FAM13A: variants seen among roughly 807,000 people sequenced by gnomAD.
FAM13A encodes the protein family with sequence similarity 13 member A.
A neutral mutation model predicts 129.6 loss-of-function variants in FAM13A; 76 were observed. That is an observed-to-expected ratio of 0.59 (90% CI 0.49 to 0.71). The LOEUF is 0.71. FAM13A is among the 30% of genes least tolerant of loss of function. FAM13A has a pLI of 0.00. For missense variants in FAM13A, 1,108 were observed against 1,249.3 expected (o/e 0.89, Z 1.70); for synonymous variants, 443 against 449.9 (o/e 0.98, Z 0.20).
chr4:88,766,541 T>C (rs1454843164), intron 13 of FAM13A, among the ~76,000 whole-genome samples: 5 of 151,866 alleles, frequency 3.3e-5, no homozygotes, highest in Admixed American at 1.3e-4. Flanking sequence ...GTTCAGGGAG[T>C]GGGGATTAGT....
intron 6 of FAM13A, among the ~76,000 whole-genome samples, chr4:88,883,530 T>G (rs1743930233): frequency 6.6e-6 from 1 of 152,048 alleles, no homozygotes; most frequent in African/African-American, 2.4e-5. Flanking sequence ...AGGGGAAAGT[T>G]CATAGCCTTA....
chr4:88,968,560 C>T (rs1759646246), intron 4 of FAM13A, among the ~76,000 whole-genome samples: 1 of 152,010 alleles, frequency 6.6e-6, no homozygotes, highest in Admixed American at 6.6e-5. Flanking sequence ...TTTTTCTGCC[C>T]TATATGCCCC....
At chr4:88,755,219 C>T (rs930334128) in intron 14 of FAM13A, among the ~76,000 whole-genome samples, 8 of 152,082 alleles carry the variant, frequency 5.3e-5, no homozygotes, top group Admixed American at 1.3e-4. Context: ...CATGGCCATT[C>T]GGTAAACTGC....
At chr4:88,912,895 C>T (rs937310964) in intron 5 of FAM13A, among the ~76,000 whole-genome samples, 3 of 152,040 alleles carry the variant, frequency 2.0e-5, no homozygotes, top group African/African-American at 4.8e-5. Context: ...GCAGGAGGAC[C>T]TATTGAGCCC....
intron 7 of FAM13A, among the ~76,000 whole-genome samples, chr4:88,827,025 T>C (rs1733119206): frequency 6.6e-6 from 1 of 152,170 alleles, no homozygotes; most frequent in Admixed American, 6.6e-5. Flanking sequence ...CCCAAATCTA[T>C]CTCTGCTGCC....
rs558494618 is a variant in FAM13A at position 88,890,000 on chromosome 4, T to G, written c.843+16379A>C. ...GGAACATAGAGGCCAGTGAGAACTTTAGGGTTAATGAAAAATGAGGGCAAC... is the reference window on the plus strand; with the variant it reads ...GGAACATAGAGGCCAGTGAGAACTTGAGGGTTAATGAAAAATGAGGGCAAC... On this transcript the variant is annotated intron_variant, in intron 6 of 23. Transcript: ENST00000264344. 1.3e-3 allele frequency among the ~76,000 whole-genome samples: 193 copies of G among 152,304 alleles called. 2 individuals are homozygous for G. The highest frequency in any genetic ancestry group is 4.4e-3 in the African/African-American group (184 of 41,574).
At chr4:88,747,273 C>A (rs1308518017) in intron 18 of FAM13A, among the ~76,000 whole-genome samples, 1 of 152,144 alleles carries the variant, frequency 6.6e-6, no homozygotes, top group Non-Finnish European at 1.5e-5. Context: ...GTAAGCAGGG[C>A]TGTGAGGCAC....
At chr4:89,016,393 C>A (rs1445887609) in intron 3 of FAM13A, among the ~76,000 whole-genome samples, 1 of 152,036 alleles carries the variant, frequency 6.6e-6, no homozygotes, top group African/African-American at 2.4e-5. Context: ...AAGCTAAGGT[C>A]TATTACTGAA....
At chr4:88,992,979 C>T (rs958798278) in intron 3 of FAM13A, among the ~76,000 whole-genome samples, 3 of 152,094 alleles carry the variant, frequency 2.0e-5, no homozygotes, top group Non-Finnish European at 2.9e-5. Context: ...ATCAGTGTTA[C>T]AAAGCACCTG....
Position 88,928,339 on chromosome 4 carries a change from T to G in FAM13A, c.759+9749A>C, listed in dbSNP as rs191993570. 8.5e-4 allele frequency among the ~76,000 whole-genome samples: 127 copies of G among 149,634 alleles called. 2 individuals carry two copies. Among genetic ancestry groups the G allele is most frequent in the Middle Eastern group, 6.9e-3 (2 of 288 alleles). ...TGTTGGGTAGAATGTTCTGCGAATG[T>G]CTGCTAAGTCCGTTTAGTCTAAAGT... On this transcript the variant is annotated intron_variant, in intron 5 of 23. Transcript: ENST00000264344.
intron 5 of FAM13A, among the ~76,000 whole-genome samples, chr4:88,934,896 G>A (rs754492378): frequency 7.2e-5 from 11 of 152,180 alleles, no homozygotes; most frequent in Non-Finnish European, 1.6e-4. Context: ...AGGGCTAAGA[G>A]GTCTATCCAA....
intron 4 of FAM13A, among the ~76,000 whole-genome samples, chr4:88,987,125 A>G (rs1290547262): frequency 2.0e-5 from 3 of 152,180 alleles, no homozygotes; most frequent in Non-Finnish European, 4.4e-5. Context: ...GACTCCCACA[A>G]CTGCCAAATT....
intron 3 of FAM13A, among the ~76,000 whole-genome samples, chr4:89,001,778 T>G (rs1015577093): frequency 2.6e-5 from 4 of 152,136 alleles, no homozygotes; most frequent in Non-Finnish European, 4.4e-5. Flanking sequence ...AGGTATCTAG[T>G]GAGTTCCTCA....
intron 7 of FAM13A, among the ~76,000 whole-genome samples, chr4:88,825,946 T>A (rs779499238): frequency 6.6e-6 from 1 of 152,188 alleles, no homozygotes. Flanking sequence ...CATTATTTGA[T>A]AATTGTTTCT....
At chr4:88,847,810 G>A (rs1490121224) in intron 7 of FAM13A, among the ~76,000 whole-genome samples, 2 of 152,038 alleles carry the variant, frequency 1.3e-5, no homozygotes, top group African/African-American at 2.4e-5. Flanking sequence ...GGTGGCAGCC[G>A]CCTGTAGTCC....
intron 4 of FAM13A, among the ~76,000 whole-genome samples, chr4:88,961,249 A>C (rs777970370): frequency 2.0e-5 from 3 of 151,852 alleles, no homozygotes; most frequent in Non-Finnish European, 4.4e-5. Context: ...AAATAGAATA[A>C]GTTTACCTAT....
At chr4:88,879,834 C>A (rs1743228925) in intron 6 of FAM13A, among the ~76,000 whole-genome samples, 1 of 151,982 alleles carries the variant, frequency 6.6e-6, no homozygotes, top group Admixed American at 6.6e-5. Context: ...CTAAATTGGG[C>A]AGGCAGCATG....
chr4:88,858,793 T>C (rs935476505), intron 6 of FAM13A, among the ~76,000 whole-genome samples: 3 of 152,322 alleles, frequency 2.0e-5, no homozygotes, highest in African/African-American at 7.2e-5. Flanking sequence ...TGAAATGTTC[T>C]GGAATTAGAT....
chr4:88,951,934 T>A (rs555622636), intron 4 of FAM13A, among the ~76,000 whole-genome samples: 1 of 152,328 alleles, frequency 6.6e-6, no homozygotes, highest in East Asian at 1.9e-4. Context: ...GGAACTAAAA[T>A]TTGCATACTC....
Sources: allele counts gnomAD v4.1 joint callset (sites outside exome capture counted in the v4.1 genomes callset), GRCh38; gene constraint gnomAD v4.1.1; transcripts MANE v1.5; gene names NCBI Gene and HGNC (gene_info 2026-07-23, HGNC 2026-07-21).